CIMAP3: variants seen among roughly 807,000 people sequenced by gnomAD.
The protein encoded by CIMAP3 is ciliary microtubule-associated protein 3.
At chr1:111,346,595 G>A in the CIMAP3 span, 1 of 1,611,952 alleles carries the variant, frequency 6.2e-7, no homozygotes, top group Admixed American at 1.7e-5. Flanking sequence ...GGAATCACGG[G>A]ACTAGCCTTC....
chr1:111,347,024 G>A, the CIMAP3 span: 11 of 1,613,680 alleles, frequency 6.8e-6, no homozygotes, highest in Non-Finnish European at 9.3e-6. Context: ...TCACCCCACA[G>A]AGGGCCTGGG....
chr1:111,347,546 G>T, the CIMAP3 span: 2 of 613,568 alleles, frequency 3.3e-6, no homozygotes, highest in South Asian at 2.1e-5. Flanking sequence ...TGCAGAGAAG[G>T]TTCAGATGGG....
chr1:111,350,018 G>A, the CIMAP3 span: 1 of 993,438 alleles, frequency 1.0e-6, no homozygotes, highest in South Asian at 1.4e-5. Context: ...CAAGAGGTTA[G>A]GCCTAGTCCA....
the CIMAP3 span, among the ~76,000 whole-genome samples, chr1:111,341,748 A>G: frequency 6.6e-6 from 1 of 152,148 alleles, no homozygotes; most frequent in African/African-American, 2.4e-5. Context: ...TGATTGGATG[A>G]CTCTGAAGCA....
chr1:111,326,309 C>A, the CIMAP3 span, among the ~76,000 whole-genome samples: 2,052 of 152,222 alleles, frequency 0.013, 56 homozygotes, highest in African/African-American at 0.046. Context: ...ACCACCCACT[C>A]ACTCTTTCCA....
the CIMAP3 span, among the ~76,000 whole-genome samples, chr1:111,336,532 C>T: frequency 1.2e-4 from 18 of 151,932 alleles, no homozygotes; most frequent in African/African-American, 3.6e-4. Flanking sequence ...AGCCAAGGCT[C>T]GAGAACTACA....
chr1:111,329,520 T>A, the CIMAP3 span, among the ~76,000 whole-genome samples: 2 of 8,776 alleles, frequency 2.3e-4, no homozygotes, highest in African/African-American at 1.4e-3. Flanking sequence ...TAAACCCATA[T>A]ATATATATAT....
At chr1:111,335,946 A>T in the CIMAP3 span, among the ~76,000 whole-genome samples, 1 of 151,990 alleles carries the variant, frequency 6.6e-6, no homozygotes, top group African/African-American at 2.4e-5. Context: ...ACTGGGAGGC[A>T]CCCCCCAGTA....
the CIMAP3 span, among the ~76,000 whole-genome samples, chr1:111,326,436 T>A: frequency 2.6e-5 from 4 of 152,204 alleles, no homozygotes; most frequent in Admixed American, 6.5e-5. Context: ...CTTAACATAA[T>A]GACCTCGGGT....
At chr1:111,351,382 G>A in the CIMAP3 span, 2 of 1,378,470 alleles carry the variant, frequency 1.5e-6, no homozygotes. Context: ...CCAGGACTGA[G>A]GACAGAGCTG....
At chr1:111,346,781 T>C in the CIMAP3 span, 1 of 1,562,340 alleles carries the variant, frequency 6.4e-7, no homozygotes, top group Non-Finnish European at 8.8e-7. Context: ...TCCAGGAGTT[T>C]GGCGTGGTTT....
chr1:111,333,602 CT>C, the CIMAP3 span, among the ~76,000 whole-genome samples: 1 of 149,788 alleles, frequency 6.7e-6, no homozygotes, highest in African/African-American at 2.6e-5. Context: ...TTCTGCTTAC[CT>C]TTTCCCCACA....
the CIMAP3 span, chr1:111,346,532 C>A: frequency 6.6e-7 from 1 of 1,525,332 alleles, no homozygotes; most frequent in Non-Finnish European, 8.9e-7. Flanking sequence ...GACGCCCCAA[C>A]TTGCCGCGCA....
chr1:111,341,141 G>A, the CIMAP3 span, among the ~76,000 whole-genome samples: 1 of 150,718 alleles, frequency 6.6e-6, no homozygotes, highest in African/African-American at 2.4e-5. Context: ...CTCACTCATA[G>A]GTGGGAACTG....
chr1:111,352,210 TAATC>T, the CIMAP3 span: 2 of 152,456 alleles, frequency 1.3e-5, no homozygotes, highest in Non-Finnish European at 2.9e-5. Context: ...CTAGCTGAAA[TAATC>T]AAGTATATAG....
At chr1:111,346,473 G>A in the CIMAP3 span, 1 of 811,056 alleles carries the variant, frequency 1.2e-6, no homozygotes, top group Non-Finnish European at 1.9e-6. Flanking sequence ...ACAATCCCCT[G>A]GGCTTTGGGC....
At chr1:111,335,387 C>T in the CIMAP3 span, among the ~76,000 whole-genome samples, 1 of 152,226 alleles carries the variant, frequency 6.6e-6, no homozygotes, top group Admixed American at 6.5e-5. Context: ...TGAGCTGAAG[C>T]AGGGCAAGGC....
chr1:111,347,099 G>T, the CIMAP3 span: 913 of 1,516,812 alleles, frequency 6.0e-4, 6 homozygotes, highest in African/African-American at 0.011. Context: ...GGCTATTGAG[G>T]GATAGCCAAG....
chr1:111,336,839 A>G, the CIMAP3 span, among the ~76,000 whole-genome samples: 46 of 152,252 alleles, frequency 3.0e-4, no homozygotes, highest in East Asian at 7.7e-3. Context: ...TTCAGGAAAT[A>G]CAGAGAACAC....
Sources: allele counts gnomAD v4.1 joint callset (sites outside exome capture counted in the v4.1 genomes callset), GRCh38; gene constraint gnomAD v4.1.1; transcripts MANE v1.5; gene names NCBI Gene and HGNC (gene_info 2026-07-23, HGNC 2026-07-21).